Variants in CUEDC1 observed in about 807,000 individuals in gnomAD.
The protein encoded by CUEDC1 is CUE domain containing 1.
Under a neutral mutation model 43.7 loss-of-function variants are expected in CUEDC1, and 30 were observed. The ratio of observed to expected loss-of-function variants is 0.69; its 90% confidence interval spans 0.51 to 0.93. The LOEUF is 0.93. CUEDC1 is among the 40% of genes least tolerant of loss of function. The probability of loss-of-function intolerance (pLI) is 0.00; values close to 1 mark genes in which losing one functional copy is unlikely to be tolerated. For synonymous variants in CUEDC1, 223 were observed against 223.6 expected, an observed-to-expected ratio of 1.00 and a Z score of 0.02; for missense variants, 486 against 549.0, an observed-to-expected ratio of 0.89 and a Z score of 1.15.
chr17:57,946,830 G>T (rs77233038), intron 1 of CUEDC1, among the ~76,000 whole-genome samples: 161 of 152,124 alleles, frequency 1.1e-3, no homozygotes, highest in Non-Finnish European at 1.9e-3. Flanking sequence ...TCACCAGCCC[G>T]GTCTCTGGAC....
chr17:57,928,103 G>A (rs1193554983), intron 1 of CUEDC1, among the ~76,000 whole-genome samples: 4 of 152,210 alleles, frequency 2.6e-5, no homozygotes, highest in Admixed American at 2.6e-4. Flanking sequence ...GGTTCTTAGC[G>A]AAGGCTCTGT....
At chr17:57,889,835 C>T (rs918087392) in intron 1 of CUEDC1, among the ~76,000 whole-genome samples, 2 of 152,192 alleles carry the variant, frequency 1.3e-5, no homozygotes, top group African/African-American at 4.8e-5. Flanking sequence ...GCCCCCAATT[C>T]TCAGAGCACT....
In CUEDC1 at chr17:57,861,782, G is replaced by T. The variant is rs2073877124; in HGVS notation, c.*1507C>A. On this transcript the variant is annotated 3_prime_UTR_variant, in exon 11 of 11. Transcript: ENST00000577830. ...AGACCCGTCGAGAACTCGAGCTGGGGTACCGAGGCACTCCTCGGAGACCCC... is the reference window on the plus strand; with the variant it reads ...AGACCCGTCGAGAACTCGAGCTGGGTTACCGAGGCACTCCTCGGAGACCCC... 1 of 152,028 alleles carries T rather than the reference G, an allele frequency of 6.6e-6. No homozygotes were observed. 9.4% of individuals were successfully genotyped at this position (152,028 alleles called of 1,614,324 possible). A position where few individuals can be genotyped will look rare whatever the true frequency, so the allele number is the denominator to read the frequency against.
At chr17:57,932,923 T>G (rs1199188832) in intron 1 of CUEDC1, among the ~76,000 whole-genome samples, 1 of 151,820 alleles carries the variant, frequency 6.6e-6, no homozygotes, top group Non-Finnish European at 1.5e-5. Context: ...TAGGCACTAT[T>G]GACATTTGGG....
Position 57,930,109 on chromosome 17 carries a change from C to T in CUEDC1, c.-316+25116G>A, listed in dbSNP as rs1362183969. On this transcript the variant is annotated intron_variant, in intron 1 of 10. Coordinates refer to ENST00000577830, the MANE Select transcript of CUEDC1 (RefSeq NM_001271875.2). The surrounding 1 kb of genome is among the most constrained non-coding windows in gnomAD (Gnocchi z 4.2). ...TGAGCCACTGCGCCCGGCCACTTCT[C>T]AGACTTTAATGTGCACACGAACCAC... 1.3e-5 allele frequency among the ~76,000 whole-genome samples: 2 copies of T among 152,114 alleles called. No individual in the cohort carries two copies. The highest frequency in any genetic ancestry group is 1.3e-4 in the Admixed American group (2 of 15,262).
chr17:57,901,191 C>T (rs2074467798), intron 1 of CUEDC1, among the ~76,000 whole-genome samples: 1 of 152,208 alleles, frequency 6.6e-6, no homozygotes, highest in Non-Finnish European at 1.5e-5. Context: ...ACCTACTGGG[C>T]CTCCAGGTTT....
chr17:57,944,198 TTA>T (rs201089332), intron 1 of CUEDC1, among the ~76,000 whole-genome samples: 38 of 144,706 alleles, frequency 2.6e-4, no homozygotes, highest in East Asian at 1.8e-3. Flanking sequence ...ATTTATTTTT[TTA>T]TATATATATA....
rs867943753 is a variant in CUEDC1 at position 57,885,797 on chromosome 17, C to T, written c.-233G>A. Reference sequence around the variant, plus strand: ...GCGGTCCTCGCGGGGCGGTGGCATGCGGGACCGGGCCGTGCTGGGGCTGGG... The same window carrying T: ...GCGGTCCTCGCGGGGCGGTGGCATGTGGGACCGGGCCGTGCTGGGGCTGGG... On this transcript the variant is annotated 5_prime_UTR_variant, in exon 2 of 11. Transcript: ENST00000577830. The T allele has an allele frequency of 1.3e-5, 6 of 456,150 alleles. No individual in the cohort carries two copies. Among genetic ancestry groups the T allele is most frequent in the East Asian group, 1.3e-4 (3 of 22,810 alleles). The allele number at this position is 456,150 out of a possible 1,614,324, so 28.3% of individuals were successfully genotyped here.
At chr17:57,902,959 C>G (rs1353178500) in intron 1 of CUEDC1, 2 of 152,320 alleles carry the variant, frequency 1.3e-5, no homozygotes, top group Admixed American at 6.5e-5. Flanking sequence ...ACACTCCAAC[C>G]CCTCACCATG....
At chr17:57,932,281 C>CAAAAAAAAAAAAAAAAAAAAAAAAA (rs56137797) in intron 1 of CUEDC1, among the ~76,000 whole-genome samples, 2 of 121,944 alleles carry the variant, frequency 1.6e-5, no homozygotes, top group Admixed American at 7.7e-5. Context: ...CACTGTGTCT[C>CAAAAAAAAAAAAAAAAAAAAAAAAA]AAAAAAAAAA....
intron 10 of CUEDC1, among the ~76,000 whole-genome samples, chr17:57,865,735 A>C (rs1164466786): frequency 6.6e-6 from 1 of 152,052 alleles, no homozygotes; most frequent in Admixed American, 6.5e-5. Flanking sequence ...CTGGTGTGGC[A>C]GATCCCAGCC....
At chr17:57,884,660 C>T (rs1447102398) in intron 2 of CUEDC1, among the ~76,000 whole-genome samples, 1 of 152,216 alleles carries the variant, frequency 6.6e-6, no homozygotes, top group African/African-American at 2.4e-5. Flanking sequence ...CACACCCTTC[C>T]CCCGGCTTCA....
chr17:57,899,899 T>A (rs980483474), intron 1 of CUEDC1, among the ~76,000 whole-genome samples: 1 of 152,006 alleles, frequency 6.6e-6, no homozygotes, highest in Non-Finnish European at 1.5e-5. Context: ...GCCACCCCCT[T>A]CATTAGGCTG....
At chr17:57,942,413 G>A (rs1598025425) in intron 1 of CUEDC1, among the ~76,000 whole-genome samples, 3 of 152,122 alleles carry the variant, frequency 2.0e-5, no homozygotes, top group Admixed American at 2.0e-4. Flanking sequence ...TTTTGAGACA[G>A]AGTCTCGCTC....
chr17:57,918,517 G>A (rs569162186), intron 1 of CUEDC1, among the ~76,000 whole-genome samples: 2 of 152,356 alleles, frequency 1.3e-5, no homozygotes, highest in African/African-American at 4.8e-5. Context: ...TGAGAAGGGG[G>A]CCTTATCTAT....
At chr17:57,867,148 G>A (rs2073970667) in intron 9 of CUEDC1, 1 of 607,210 alleles carries the variant, frequency 1.6e-6, no homozygotes, top group African/African-American at 1.8e-5. Flanking sequence ...GGTGGAAGTA[G>A]GGCTAGGGCC....
intron 1 of CUEDC1, among the ~76,000 whole-genome samples, chr17:57,917,953 C>G (rs2074660168): frequency 6.6e-6 from 1 of 152,188 alleles, no homozygotes; most frequent in South Asian, 2.1e-4. Flanking sequence ...TGTAGTCACT[C>G]TCCTGTTCTG....
At chr17:57,886,817 GT>G (rs777598269) in intron 1 of CUEDC1, among the ~76,000 whole-genome samples, 3,367 of 118,400 alleles carry the variant, frequency 0.028, 34 homozygotes, top group African/African-American at 0.095. Context: ...AATTCTGGTT[GT>G]TTTTTTTTTT....
At chr17:57,949,295 T>C (rs1481512105) in intron 1 of CUEDC1, among the ~76,000 whole-genome samples, 1 of 152,196 alleles carries the variant, frequency 6.6e-6, no homozygotes, top group African/African-American at 2.4e-5. Flanking sequence ...CTAACATGTT[T>C]GTCTCCCTTA....
Sources: gnomAD v4.1 joint callset for allele counts (sites outside exome capture counted in the v4.1 genomes callset) on GRCh38, gnomAD v4.1.1 for gene constraint, Gnocchi (gnomAD v3.1) non-coding constraint, MANE v1.5 for transcripts, NCBI Gene and HGNC (gene_info 2026-07-23, HGNC 2026-07-21) for gene names.